The following SLC7A8 variants were observed in gnomAD, a reference collection of about 807,000 sequenced individuals.
SLC7A8 encodes the protein solute carrier family 7 member 8, also known as large neutral amino acids transporter small subunit 2.
In SLC7A8, 30 loss-of-function variants were observed where a neutral mutation model predicts 51.2. That is an observed-to-expected ratio of 0.59 (90% confidence interval 0.44 to 0.80). SLC7A8 has a LOEUF of 0.80. SLC7A8 is among the 30% of genes least tolerant of loss of function. The probability of loss-of-function intolerance (pLI) is 0.00; values close to 1 mark genes in which losing one functional copy is unlikely to be tolerated. For missense variants in SLC7A8, 612 were observed against 674.4 expected (o/e 0.91, Z 1.03); for synonymous variants, 257 against 275.8 (o/e 0.93, Z 0.67).
intron 7 of SLC7A8, among the ~76,000 whole-genome samples, chr14:23,136,224 G>A (rs2048688860): frequency 6.6e-6 from 1 of 152,160 alleles, no homozygotes; most frequent in Non-Finnish European, 1.5e-5. Context: ...CCCTAGGCCG[G>A]TGTCACTAGT....
At chr14:23,176,440 T>C (rs1213396900) in intron 1 of SLC7A8, among the ~76,000 whole-genome samples, 2 of 152,188 alleles carry the variant, frequency 1.3e-5, no homozygotes, top group African/African-American at 4.8e-5. Flanking sequence ...TCCTCCTGTC[T>C]TGGTTACCAA....
At chr14:23,136,321 C>T (rs2048689586) in intron 7 of SLC7A8, among the ~76,000 whole-genome samples, 1 of 152,192 alleles carries the variant, frequency 6.6e-6, no homozygotes, top group Non-Finnish European at 1.5e-5. Flanking sequence ...CTCTGTGGGG[C>T]TCATCGTGCA....
At chr14:23,176,814 C>T (rs1343521767) in intron 1 of SLC7A8, among the ~76,000 whole-genome samples, 2 of 151,754 alleles carry the variant, frequency 1.3e-5, no homozygotes, top group Non-Finnish European at 2.9e-5. Flanking sequence ...TGGTAGCTCG[C>T]GCCTGTAATC....
intron 3 of SLC7A8, among the ~76,000 whole-genome samples, chr14:23,145,546 A>T (rs945232349): frequency 9.2e-4 from 17 of 18,532 alleles, no homozygotes; most frequent in Admixed American, 4.2e-3. Flanking sequence ...AGAAAAAAAA[A>T]TTTTTTTTTT....
chr14:23,132,830 T>C (rs1345549634), intron 7 of SLC7A8, among the ~76,000 whole-genome samples: 1 of 152,058 alleles, frequency 6.6e-6, no homozygotes, highest in Non-Finnish European at 1.5e-5. Context: ...GAGACGGGGT[T>C]TCTCCATGTT....
intron 1 of SLC7A8, among the ~76,000 whole-genome samples, chr14:23,180,889 T>C (rs974605033): frequency 3.9e-4 from 59 of 151,788 alleles, no homozygotes; most frequent in African/African-American, 1.3e-3. Flanking sequence ...TAGCAGGGCG[T>C]GGTGGTGGGC....
In SLC7A8 at chr14:23,166,403, C is replaced by T. The variant is rs917707930; in HGVS notation, c.289G>A (p.Gly97Arg). ...CCTCCAGATTTGGGGATGGTGACCC[C>T]GAGTTCAGCATAGCAGAGGGCTCCC... ...VVGALCYAEL[G>R]VTIPKSGGDY... Residue 97 changes from glycine to arginine, a missense_variant, in exon 2 of 11, where the codon GGG becomes AGG. Physicochemically the swap from Gly to Arg is moderately radical, Grantham distance 125 (BLOSUM62 -2). Coordinates refer to ENST00000316902, the MANE Select transcript of SLC7A8 (RefSeq NM_012244.4). 4 of 1,614,146 alleles carry T rather than the reference C, an allele frequency of 2.5e-6. No individual in the cohort carries two copies. Among genetic ancestry groups the T allele is most frequent in the Non-Finnish European group, 3.4e-6 (4 of 1,180,044 alleles).
Position 23,128,212 on chromosome 14 carries a change from A to G in SLC7A8, c.1264-16T>C. 1 of 1,613,736 alleles carries G rather than the reference A, an allele frequency of 6.2e-7. No homozygotes were observed. The highest frequency in any genetic ancestry group is 8.5e-7 in the Non-Finnish European group (1 of 1,179,862). On this transcript the variant is annotated splice_polypyrimidine_tract_variant and intron_variant, in intron 9 of 10. Coordinates refer to ENST00000316902, the MANE Select transcript of SLC7A8 (RefSeq NM_012244.4). This position sits in a 1 kb window ranked among gnomAD's most constrained non-coding sequence, Gnocchi z 4.3. ...GCAGGTTGATCTGTGGAGCAGAGGC[A>G]TGAGGCGTATGAACTGTGTAGGCCA...
intron 3 of SLC7A8, among the ~76,000 whole-genome samples, chr14:23,161,162 G>A (rs377144783): frequency 5.9e-5 from 9 of 152,026 alleles, no homozygotes; most frequent in African/African-American, 2.2e-4. Context: ...GCCAGTTTCA[G>A]CAGGTTCTTT....
In SLC7A8 at chr14:23,138,043, A is replaced by T; in HGVS notation, c.913-19T>A. Reference sequence around the variant, plus strand: ...CAAAAGTCTGGGAGAGGAACCAAGGAGATAAGCAAAGGAGAGGTCACCACT... The same window carrying T: ...CAAAAGTCTGGGAGAGGAACCAAGGTGATAAGCAAAGGAGAGGTCACCACT... On this transcript the variant is annotated intron_variant, in intron 6 of 10. Coordinates refer to ENST00000316902, the MANE Select transcript of SLC7A8 (RefSeq NM_012244.4). The T allele has an allele frequency of 6.2e-7, 1 of 1,613,468 alleles. No homozygotes were observed. Among genetic ancestry groups the T allele is most frequent in the Non-Finnish European group, 8.5e-7 (1 of 1,179,842 alleles).
At chr14:23,155,570 G>C (rs545546714) in intron 3 of SLC7A8, 4 of 1,102,204 alleles carry the variant, frequency 3.6e-6, no homozygotes, top group Non-Finnish European at 4.6e-6. Flanking sequence ...GGCCTGGATC[G>C]GGGAGAAGCG....
rs1474532630 is a variant in SLC7A8 at position 23,138,009 on chromosome 14, G to T, written c.928C>A (p.Leu310Ile). 1.2e-6 allele frequency: 2 copies of T among 1,613,582 alleles called. No homozygotes were observed. Among genetic ancestry groups the T allele is most frequent in the African/African-American group, 2.7e-5 (2 of 74,852 alleles). The change falls in exon 7 of 11, where the codon CTC (leucine) becomes ATC (isoleucine). Residue 310 changes from leucine to isoleucine, a missense_variant. Coordinates refer to ENST00000316902, the MANE Select transcript of SLC7A8 (RefSeq NM_012244.4). ...ATGATCCAGGCCATGACTCCTAGGA[G>T]CTTCTCTCCAAAAGTCTGGGAGAGG... ...NAVAVTFGEKLLGVMAWIMPI... is the reference protein window; with the variant it reads ...NAVAVTFGEKILGVMAWIMPI...
chr14:23,167,754 C>G (rs1285937439), intron 1 of SLC7A8, among the ~76,000 whole-genome samples: 1 of 152,076 alleles, frequency 6.6e-6, no homozygotes, highest in Admixed American at 6.6e-5. Context: ...CCAAATGGAT[C>G]CAGGTGGAAA....
intron 1 of SLC7A8, among the ~76,000 whole-genome samples, chr14:23,167,659 G>A (rs138126188): frequency 2.8e-3 from 427 of 152,152 alleles, no homozygotes; most frequent in African/African-American, 1.0e-2. Flanking sequence ...AGAGGTCATC[G>A]GGGTCCATTG....
chr14:23,175,672 G>T (rs531225961), intron 1 of SLC7A8, among the ~76,000 whole-genome samples: 1 of 152,150 alleles, frequency 6.6e-6, no homozygotes, highest in South Asian at 2.1e-4. Context: ...ATGTATTATC[G>T]CCCTGACAGT....
At chr14:23,152,685 G>T (rs1461930999) in intron 3 of SLC7A8, among the ~76,000 whole-genome samples, 1 of 152,184 alleles carries the variant, frequency 6.6e-6, no homozygotes, top group Non-Finnish European at 1.5e-5. Flanking sequence ...AAAGTGCTGC[G>T]ATTACAGGCA....
At position 23,165,039 on chromosome 14, in the gene SLC7A8, C is replaced by T. The variant is rs944440773; in HGVS notation, c.508+246G>A. Among the ~76,000 whole-genome samples the T allele has an allele frequency of 1.8e-4, 27 of 150,618 alleles. No individual in the cohort carries two copies. Among genetic ancestry groups the T allele is most frequent in the African/African-American group, 6.6e-4 (27 of 40,796 alleles). ...GTTAGGAGAGTCAGAGACATGTAGACCTCCAGGGAGGATAAAAGAGGCTGT... is the reference window on the plus strand; with the variant it reads ...GTTAGGAGAGTCAGAGACATGTAGATCTCCAGGGAGGATAAAAGAGGCTGT... On this transcript the variant is annotated intron_variant, in intron 3 of 10. Transcript: ENST00000316902. This position sits in a 1 kb window ranked among gnomAD's most constrained non-coding sequence, Gnocchi z 4.2.
Position 23,183,021 on chromosome 14 carries a change from A to G in SLC7A8, c.-107T>C. ...GAATTAGAACGTCCTTTTCCGAAAT[A>G]GGAACCACTGCTACTCTCTAAAAAA... On this transcript the variant is annotated 5_prime_UTR_variant, in exon 1 of 11. Transcript: ENST00000316902. 2 of 1,397,208 alleles carry G rather than the reference A, an allele frequency of 1.4e-6. No homozygotes were observed. Among genetic ancestry groups the G allele is most frequent in the Non-Finnish European group, 2.0e-6 (2 of 998,356 alleles). The allele number at this position is 1,397,208 out of a possible 1,614,324, so 86.6% of individuals were successfully genotyped here.
intron 7 of SLC7A8, among the ~76,000 whole-genome samples, chr14:23,133,223 A>G (rs567605117): frequency 7.9e-5 from 12 of 152,276 alleles, no homozygotes; most frequent in African/African-American, 2.6e-4. Flanking sequence ...GAATCATTTG[A>G]GCCCGGAAGT....
Sources: allele counts gnomAD v4.1 joint callset (sites outside exome capture counted in the v4.1 genomes callset), GRCh38; gene constraint gnomAD v4.1.1; non-coding constraint Gnocchi (gnomAD v3.1); transcripts MANE v1.5; gene names NCBI Gene and HGNC (gene_info 2026-07-23, HGNC 2026-07-21).